RRM2: variants seen among roughly 807,000 people sequenced by gnomAD.
RRM2 encodes the protein ribonucleotide reductase regulatory subunit M2, also known as ribonucleoside-diphosphate reductase subunit M2.
A neutral mutation model predicts 45.9 loss-of-function variants in RRM2; 6 were observed. The observed-to-expected ratio is 0.13, with a 90% CI of 0.07 to 0.26. The LOEUF is 0.26. RRM2 is among the 10% of genes least tolerant of loss of function. The pLI is 1.00. For missense variants in RRM2, 343 were observed against 489.5 expected (o/e 0.70, Z 2.82); for synonymous variants, 177 against 173.0 (o/e 1.02, Z -0.18).
At chr2:10,191,757 G>T (rs374850329) in intron 3 of RRM2, among the ~76,000 whole-genome samples, 1 of 152,160 alleles carries the variant, frequency 6.6e-6, no homozygotes, top group African/African-American at 2.4e-5. Flanking sequence ...CCACGGCCAT[G>T]CGCACTGGGA....
At chr2:10,140,031 G>A (rs1663051947), upstream of RRM2, among the ~76,000 whole-genome samples, 1 of 152,290 alleles carries the variant, frequency 6.6e-6, no homozygotes, top group Admixed American at 6.5e-5. Context: ...GGTGGATCAA[G>A]AGGTCAGGAG....
chr2:10,196,471 CAGTGCCTGGG>C (rs1459436690), intron 3 of RRM2, among the ~76,000 whole-genome samples: 1 of 152,182 alleles, frequency 6.6e-6, no homozygotes, highest in East Asian at 1.9e-4. Context: ...CACTGCCTGG[CAGTGCCTGGG>C]AGTGGACGTT....
intron 5 of RRM2, chr2:10,126,446 T>A (rs1404804031): frequency 1.2e-5 from 2 of 161,832 alleles, no homozygotes; most frequent in African/African-American, 2.4e-5. Flanking sequence ...GTGTGGCAAC[T>A]GAGGCCAAAT....
chr2:10,129,783 C>G lies in RRM2; in HGVS notation c.*397C>G, dbSNP rs534766369. The G allele has an allele frequency of 1.8e-5, 3 of 167,858 alleles. No homozygotes were observed. Among genetic ancestry groups the G allele is most frequent in the African/African-American group, 7.1e-5 (3 of 42,104 alleles). 10.4% of individuals were successfully genotyped at this position (167,858 alleles called of 1,614,324 possible). ...ACCTGGCACTTTACAAACAAATAAA[C>G]ATTGTTTGTACTCACAAGGCGATAA... On this transcript the variant is annotated 3_prime_UTR_variant, in exon 10 of 10. Transcript: ENST00000304567. The surrounding 1 kb of genome is among the most constrained non-coding windows in gnomAD (Gnocchi z 4.8).
At chr2:10,132,306 C>T (rs977535169), downstream of RRM2, among the ~76,000 whole-genome samples, 2 of 152,146 alleles carry the variant, frequency 1.3e-5, no homozygotes, top group Non-Finnish European at 2.9e-5. Flanking sequence ...GGGTTTACTC[C>T]TAGAGAGGAA....
chr2:10,146,699 A>G (rs6707144), intron 3 of RRM2, among the ~76,000 whole-genome samples: 95,246 of 152,038 alleles, frequency 0.63, 30,361 homozygotes, highest in African/African-American at 0.7. Flanking sequence ...AGGCCTTGAG[A>G]GGGTGCCTGG....
In RRM2 at chr2:10,171,057, T is replaced by C. The variant is rs1002546678; in HGVS notation, n.482+28682T>C. 3.3e-5 allele frequency among the ~76,000 whole-genome samples: 5 copies of C among 152,164 alleles called. No individual in the cohort carries two copies. Among genetic ancestry groups the C allele is most frequent in the East Asian group, 3.9e-4 (2 of 5,194 alleles). ...TGGGCATCTAGATGACCCTCCACAC[T>C]GAGCAGACCCAGCACAGGCTGCGCC... is the stretch of plus-strand genomic sequence containing the variant. On this transcript the variant is annotated intron_variant and non_coding_transcript_variant, in intron 3 of 3. Transcript: ENST00000381786. The surrounding 1 kb of genome is among the most constrained non-coding windows in gnomAD (Gnocchi z 4.1).
At position 10,122,816 on chromosome 2, in the gene RRM2, C is replaced by T. The variant is rs1430135145; in HGVS notation, c.18C>T (p.Val6=). 1 of 1,594,838 alleles carries T rather than the reference C, an allele frequency of 6.3e-7. No individual in the cohort carries two copies. The highest frequency in any genetic ancestry group is 1.8e-5 in the Admixed American group (1 of 57,048). MLSLR[V]PLAPITDPQQ... ...CCTCCACTATGCTCTCCCTCCGTGTCCCGCTCGCGCCCATCACGGACCCGC... is the reference window on the plus strand; with the variant it reads ...CCTCCACTATGCTCTCCCTCCGTGTTCCGCTCGCGCCCATCACGGACCCGC... The change falls in exon 1 of 10, where the codon GTC becomes GTT. Residue 6 remains valine (V), a synonymous_variant. Transcript: ENST00000304567.
intron 3 of RRM2, among the ~76,000 whole-genome samples, chr2:10,177,663 TTTCCTTCCTTCC>T (rs138844800): frequency 0.22 from 31,355 of 141,120 alleles, 3,778 homozygotes; most frequent in South Asian, 0.36. Context: ...CTTCTTTCCT[TTTCCTTCCTTCC>T]TTCCTTCCTT....
Position 10,129,425 on chromosome 2 carries a change from T to C in RRM2, c.*39T>C. On this transcript the variant is annotated 3_prime_UTR_variant, in exon 10 of 10. Transcript: ENST00000304567. The surrounding 1 kb of genome is among the most constrained non-coding windows in gnomAD (Gnocchi z 4.8). ...GTGCCCTTACTTGGCTGATTTTTTTTTTCCATCTCATAAGAAAAATCAGCT... is the reference window on the plus strand; with the variant it reads ...GTGCCCTTACTTGGCTGATTTTTTTCTTCCATCTCATAAGAAAAATCAGCT... 6.4e-7 allele frequency: 1 copy of C among 1,572,772 alleles called. No individual in the cohort carries two copies. Among genetic ancestry groups the C allele is most frequent in the Non-Finnish European group, 8.6e-7 (1 of 1,163,812 alleles).
chr2:10,129,742 G>A lies in RRM2; in HGVS notation c.*356G>A, dbSNP rs1260893939. The A allele has an allele frequency of 1.5e-5, 3 of 196,106 alleles. No individual in the cohort carries two copies. 12.1% of individuals were successfully genotyped at this position (196,106 alleles called of 1,614,324 possible). A position where few individuals can be genotyped will look rare whatever the true frequency, so the allele number is the denominator to read the frequency against. On this transcript the variant is annotated 3_prime_UTR_variant, in exon 10 of 10. Coordinates refer to ENST00000304567, the MANE Select transcript of RRM2 (RefSeq NM_001034.4). This position sits in a 1 kb window ranked among gnomAD's most constrained non-coding sequence, Gnocchi z 4.8. ...TCACTGCTTCAACGCAGATTTTAAT[G>A]TTTACTTAAATATAAACCTGGCACT...
chr2:10,123,099 G>T, intron 2 of RRM2, 42 bp downstream of exon 2: 1 of 1,517,396 alleles, frequency 6.6e-7, no homozygotes, highest in South Asian at 1.2e-5. Context: ...GGACGGCCTT[G>T]GGCGTCTTGG....
upstream of RRM2, among the ~76,000 whole-genome samples, chr2:10,138,484 G>A (rs961450519): frequency 1.3e-5 from 2 of 151,958 alleles, no homozygotes; most frequent in Non-Finnish European, 2.9e-5. Context: ...GTATTTTTTA[G>A]TAGAGACTGG....
In RRM2 at chr2:10,129,825, G is replaced by C. The variant is rs185874295; in HGVS notation, c.*439G>C. On this transcript the variant is annotated 3_prime_UTR_variant, in exon 10 of 10. Transcript: ENST00000304567. This position sits in a 1 kb window ranked among gnomAD's most constrained non-coding sequence, Gnocchi z 4.8. Reference sequence around the variant, plus strand: ...AGGCGATAATAGCTTGATTTATTTGGTTTCTACACCAAATACATTCTCCTG... The same window carrying C: ...AGGCGATAATAGCTTGATTTATTTGCTTTCTACACCAAATACATTCTCCTG... The C allele has an allele frequency of 3.8e-4, 59 of 156,150 alleles. No individual in the cohort carries two copies. The highest frequency in any genetic ancestry group is 6.2e-4 in the Non-Finnish European group (44 of 70,570). 9.7% of individuals were successfully genotyped at this position (156,150 alleles called of 1,614,324 possible). A position where few individuals can be genotyped will look rare whatever the true frequency, so the allele number is the denominator to read the frequency against.
chr2:10,142,296 G>C, exon 3 of RRM2: 3 of 1,413,450 alleles, frequency 2.1e-6, no homozygotes, highest in Non-Finnish European at 2.9e-6. Flanking sequence ...CTTACGTCTT[G>C]AAAGGGAATC....
chr2:10,123,226 G>A (rs1197675806), intron 2 of RRM2, 161 bp from the exon 3 acceptor site: 7 of 1,276,114 alleles, frequency 5.5e-6, no homozygotes, highest in Non-Finnish European at 6.3e-6. Flanking sequence ...CCCGGTTCGG[G>A]CGTGCGCTCC....
At chr2:10,209,573 G>A (rs528714690) in intron 3 of RRM2, among the ~76,000 whole-genome samples, 1 of 150,588 alleles carries the variant, frequency 6.6e-6, no homozygotes, top group Non-Finnish European at 1.5e-5. Context: ...TGACGTGCTT[G>A]CATGTGTGTG....
chr2:10,178,256 TGTGTTGC>T (rs1663974263), intron 3 of RRM2, among the ~76,000 whole-genome samples: 1 of 143,310 alleles, frequency 7.0e-6, no homozygotes, highest in East Asian at 2.0e-4. Flanking sequence ...GAAGTCTCAC[TGTGTTGC>T]CCAGACTGGA....
rs111247523 is a variant in RRM2 at position 10,197,206 on chromosome 2, C to T, written n.483-13105C>T. ...CGAGTGGGGACAACATCCCTGCCTC[C>T]GAGGGCTGGTGTGCGGATCGAGGGA... On this transcript the variant is annotated intron_variant and non_coding_transcript_variant, in intron 3 of 3. Coordinates refer to the RRM2 transcript ENST00000381786. 5.0e-3 allele frequency among the ~76,000 whole-genome samples: 754 copies of T among 152,322 alleles called. 13 individuals carry two copies. Among genetic ancestry groups the T allele is most frequent in the African/African-American group, 0.017 (703 of 41,574 alleles).
Sources: gnomAD v4.1 joint callset for allele counts (sites outside exome capture counted in the v4.1 genomes callset) on GRCh38, gnomAD v4.1.1 for gene constraint, Gnocchi (gnomAD v3.1) non-coding constraint, MANE v1.5 for transcripts, NCBI Gene and HGNC (gene_info 2026-07-23, HGNC 2026-07-21) for gene names.